PXDNL: variants seen among roughly 807,000 people sequenced by gnomAD.
The protein encoded by PXDNL is peroxidasin like, also known as probable oxidoreductase PXDNL.
A neutral mutation model predicts 150.8 loss-of-function variants in PXDNL; 145 were observed. The ratio of observed to expected loss-of-function variants is 0.96; its 90% confidence interval spans 0.84 to 1.10. The LOEUF (loss-of-function observed/expected upper bound fraction) is 1.10. PXDNL is among the 50% of genes least tolerant of loss of function. The probability of loss-of-function intolerance (pLI) is 0.00; values close to 1 mark genes in which losing one functional copy is unlikely to be tolerated. For missense variants in PXDNL, 2,087 were observed against 1,873.9 expected (o/e 1.11, Z -2.10); for synonymous variants, 757 against 725.7 (o/e 1.04, Z -0.69).
intron 4 of PXDNL, among the ~76,000 whole-genome samples, chr8:51,506,723 A>G (rs1811302483): frequency 1.3e-5 from 2 of 151,594 alleles, no homozygotes; most frequent in African/African-American, 2.4e-5. Flanking sequence ...CTTCTTTCCA[A>G]TCTACACTAT....
At chr8:51,603,963 C>CT (rs199791886) in intron 2 of PXDNL, among the ~76,000 whole-genome samples, 9 of 151,888 alleles carry the variant, frequency 5.9e-5, no homozygotes, top group South Asian at 2.1e-4. Flanking sequence ...AAAGATATGG[C>CT]TTTTTTTTGG....
intron 2 of PXDNL, among the ~76,000 whole-genome samples, chr8:51,619,840 G>T (rs921773038): frequency 3.3e-5 from 5 of 152,116 alleles, no homozygotes; most frequent in African/African-American, 1.2e-4. Flanking sequence ...CACTCCGTCT[G>T]TTAGCATTAG....
chr8:51,691,455 G>C (rs529731618), intron 1 of PXDNL, among the ~76,000 whole-genome samples: 10 of 151,420 alleles, frequency 6.6e-5, no homozygotes, highest in African/African-American at 2.4e-4. Flanking sequence ...GTTTTTTTCA[G>C]GTTTGTCAAA....
At chr8:51,699,242 G>C (rs1816202142) in intron 1 of PXDNL, among the ~76,000 whole-genome samples, 1 of 152,132 alleles carries the variant, frequency 6.6e-6, no homozygotes, top group African/African-American at 2.4e-5. Flanking sequence ...TAGAAATCTG[G>C]AACCACCTTC....
intron 2 of PXDNL, among the ~76,000 whole-genome samples, chr8:51,652,066 AT>A (rs1202918018): frequency 6.6e-6 from 1 of 152,122 alleles, no homozygotes; most frequent in East Asian, 1.9e-4. Context: ...TGTGGTTGGC[AT>A]TTTTTTAAAT....
chr8:51,605,501 T>A (rs1585614678), intron 2 of PXDNL, among the ~76,000 whole-genome samples: 1 of 151,930 alleles, frequency 6.6e-6, no homozygotes, highest in Non-Finnish European at 1.5e-5. Context: ...TTAATATAAA[T>A]ATTCATTATT....
intron 17 of PXDNL, among the ~76,000 whole-genome samples, chr8:51,403,699 G>C (rs537634614): frequency 1.7e-4 from 26 of 152,118 alleles, no homozygotes; most frequent in Non-Finnish European, 2.8e-4. Flanking sequence ...TTTAGGATTG[G>C]GTTTCCGCAC....
At chr8:51,690,010 A>C (rs1048623457) in intron 1 of PXDNL, among the ~76,000 whole-genome samples, 1 of 152,232 alleles carries the variant, frequency 6.6e-6, no homozygotes, top group Admixed American at 6.5e-5. Flanking sequence ...GTAGTAAAGA[A>C]ATACTAAAGA....
chr8:51,601,539 A>C (rs1452085058), intron 2 of PXDNL, among the ~76,000 whole-genome samples: 1 of 151,912 alleles, frequency 6.6e-6, no homozygotes, highest in Non-Finnish European at 1.5e-5. Flanking sequence ...TAAGAATAGC[A>C]ACTCCTGCTT....
intron 4 of PXDNL, among the ~76,000 whole-genome samples, chr8:51,530,783 A>G (rs1811883183): frequency 6.6e-6 from 1 of 152,026 alleles, no homozygotes; most frequent in African/African-American, 2.4e-5. Context: ...TTAACACCAC[A>G]TCCCACCCTT....
chr8:51,727,689 C>T (rs1021288577), intron 1 of PXDNL, among the ~76,000 whole-genome samples: 2 of 152,156 alleles, frequency 1.3e-5, no homozygotes, highest in Non-Finnish European at 2.9e-5. Context: ...ACTCAGTCAA[C>T]CACAAACAGT....
In PXDNL at chr8:51,796,446, A is replaced by G. The variant is rs148952461; in HGVS notation, c.164+12735T>C. ...TACTAGCTAGACTAATAAAGAAGAA[A>G]AGAGAGAAAAATCAAATAGACACAA... On this transcript the variant is annotated intron_variant, in intron 1 of 22. Coordinates refer to ENST00000356297, the MANE Select transcript of PXDNL (RefSeq NM_144651.5). Among the ~76,000 whole-genome samples, 739 of 152,194 alleles carry G rather than the reference A, an allele frequency of 4.9e-3. 6 individuals are homozygous for G. Among genetic ancestry groups the G allele is most frequent in the African/African-American group, 0.017 (709 of 41,572 alleles).
In PXDNL at chr8:51,489,748, T is replaced by C. The variant is rs568980547; in HGVS notation, c.453-6034A>G. On this transcript the variant is annotated intron_variant, in intron 5 of 22. Transcript: ENST00000356297. ...GATCAAGGGAAACTTCTTGAACTTA[T>C]AATTTTATAACAGACAACCTATCAA... is the stretch of plus-strand genomic sequence containing the variant. Among the ~76,000 whole-genome samples the C allele has an allele frequency of 1.5e-4, 23 of 152,354 alleles. 1 individual carries two copies. In the South Asian group the frequency reaches 4.6e-3, roughly 30 times the overall value.
chr8:51,357,370 GGC>G (rs1806542060), intron 19 of PXDNL, among the ~76,000 whole-genome samples: 1 of 152,160 alleles, frequency 6.6e-6, no homozygotes, highest in Admixed American at 6.5e-5. Flanking sequence ...TACTACTGAT[GGC>G]AGTTCCTGTG....
chr8:51,801,171 C>T (rs1042067619), intron 1 of PXDNL, among the ~76,000 whole-genome samples: 2 of 152,034 alleles, frequency 1.3e-5, no homozygotes, highest in African/African-American at 4.8e-5. Flanking sequence ...TATAAACAGC[C>T]GCTCTGGGAG....
At chr8:51,420,295 G>A (rs1349337205) in intron 14 of PXDNL, among the ~76,000 whole-genome samples, 1 of 152,138 alleles carries the variant, frequency 6.6e-6, no homozygotes, top group African/African-American at 2.4e-5. Context: ...GTGAATGAAA[G>A]GGTCTCAGTC....
At chr8:51,546,795 A>C (rs114075417) in intron 4 of PXDNL, among the ~76,000 whole-genome samples, 2,671 of 152,252 alleles carry the variant, frequency 0.018, 85 homozygotes, top group African/African-American at 0.06. Context: ...ATATAAACTC[A>C]GTGCAGATGG....
rs147940432 is a variant in PXDNL, at chr8:51,544,853, A to AAATTT, written c.380+11982_380+11986dup. Among the ~76,000 whole-genome samples the AAATTT allele has an allele frequency of 2.9e-3, 442 of 152,310 alleles. 3 individuals carry two copies. Among genetic ancestry groups the AAATTT allele is most frequent in the African/African-American group, 0.01 (423 of 41,566 alleles). ...ATTTATCTCTGCCTTCCTCAAAAAT[A>AAATTT]AATTTAATTTAAAATGGATGATGTA... On this transcript the variant is annotated intron_variant, in intron 4 of 22. Transcript: ENST00000356297.
At chr8:51,467,952 T>G (rs1239581448) in intron 8 of PXDNL, among the ~76,000 whole-genome samples, 5 of 152,090 alleles carry the variant, frequency 3.3e-5, no homozygotes, top group African/African-American at 1.2e-4. Context: ...ATTTTTCTAC[T>G]GAGAGACGTA....
Sources: allele counts gnomAD v4.1 joint callset (sites outside exome capture counted in the v4.1 genomes callset), GRCh38; gene constraint gnomAD v4.1.1; transcripts MANE v1.5; gene names NCBI Gene and HGNC (gene_info 2026-07-23, HGNC 2026-07-21).